The following RASGRP2 variants were observed in gnomAD, a reference collection of about 807,000 sequenced individuals.
RASGRP2 encodes RAS guanyl releasing protein 2.
In RASGRP2, 44 loss-of-function variants were observed where a neutral mutation model predicts 71.0. The ratio of observed to expected loss-of-function variants is 0.62; its 90% CI spans 0.49 to 0.80. The LOEUF (loss-of-function observed/expected upper bound fraction) is 0.80. RASGRP2 is among the 30% of genes least tolerant of loss of function. The pLI, the probability that RASGRP2 is intolerant of heterozygous loss-of-function variation, is 0.00. For missense variants in RASGRP2, 663 were observed against 813.4 expected (o/e 0.82, Z 2.25); for synonymous variants, 350 against 330.7 (o/e 1.06, Z -0.63).
intron 12 of RASGRP2, among the ~76,000 whole-genome samples, chr11:64,732,579 G>A (rs2057796370): frequency 6.6e-6 from 1 of 151,786 alleles, no homozygotes; most frequent in South Asian, 2.1e-4. Flanking sequence ...GGATCACGAG[G>A]TCTGGAGGTC....
chr11:64,741,917 T>A, intron 3 of RASGRP2, 93 bp downstream of exon 3: 1 of 1,095,234 alleles, frequency 9.1e-7, no homozygotes, highest in Non-Finnish European at 1.4e-6. Context: ...TGGCCTATAC[T>A]TAGGAGCGAG....
Position 64,736,941 on chromosome 11 carries a change from T to C in RASGRP2, c.907A>G (p.Ile303Val). ...LAACVGFRFP[I>V]LGVHLKDLVA... Reference sequence around the variant, plus strand: ...AGGTCCTTGAGGTGCACACCCAGGATCGGGAAGCGGAAGCCCACACAGGCT... The same window carrying C: ...AGGTCCTTGAGGTGCACACCCAGGACCGGGAAGCGGAAGCCCACACAGGCT... Residue 303 changes from isoleucine to valine, a missense_variant, in exon 9 of 17, where the codon ATC becomes GTC. Physicochemically the swap from Ile to Val is conservative, Grantham distance 29. Coordinates refer to ENST00000394432, the MANE Select transcript of RASGRP2 (RefSeq NM_001098671.2). 1.2e-6 allele frequency: 2 copies of C among 1,613,892 alleles called. No individual in the cohort carries two copies. Among genetic ancestry groups the C allele is most frequent in the Non-Finnish European group, 1.7e-6 (2 of 1,180,024 alleles).
intron 12 of RASGRP2, among the ~76,000 whole-genome samples, chr11:64,732,089 T>G (rs1354112117): frequency 6.6e-6 from 1 of 152,154 alleles, no homozygotes. Flanking sequence ...AGTGGAATAC[T>G]CTGCAGCTGT....
chr11:64,737,168 C>T (rs563988839), intron 8 of RASGRP2, 134 bp from the exon 9 acceptor site: 2 of 1,047,982 alleles, frequency 1.9e-6, no homozygotes, highest in Admixed American at 4.1e-5. Flanking sequence ...TACTGTCCCC[C>T]ACGACTGGCT....
Position 64,743,218 on chromosome 11 carries a change from C to G in RASGRP2, c.-71-281G>C. On this transcript the variant is annotated intron_variant, in intron 1 of 16. Transcript: ENST00000394432. The surrounding 1 kb of genome is among the most constrained non-coding windows in gnomAD (Gnocchi z 4.9). ...CAAGATCCCAGGACTGGCTGGCGCC[C>G]AGCCCCCCGCAGGGCGCCTTCTCCT... The G allele has an allele frequency of 1.9e-6, 1 of 521,324 alleles. No individual in the cohort carries two copies. Among genetic ancestry groups the G allele is most frequent in the Non-Finnish European group, 3.7e-6 (1 of 269,834 alleles). The allele number at this position is 521,324 out of a possible 1,614,324, so 32.3% of individuals were successfully genotyped here.
intron 8 of RASGRP2, 124 bp from the exon 9 acceptor site, chr11:64,737,158 T>G (rs2057969023): frequency 1.7e-6 from 2 of 1,170,940 alleles, no homozygotes; most frequent in Non-Finnish European, 2.5e-6. Flanking sequence ...AAACCTCCCT[T>G]ACTGTCCCCC....
At chr11:64,729,301 G>C (rs1216008617) in intron 14 of RASGRP2, among the ~76,000 whole-genome samples, 3 of 151,120 alleles carry the variant, frequency 2.0e-5, no homozygotes, top group African/African-American at 7.3e-5. Flanking sequence ...GTCATCTTGA[G>C]CCTCTGATTT....
At position 64,742,186 on chromosome 11, in the gene RASGRP2, C is replaced by T. The variant is rs1238341731; in HGVS notation, c.74-74G>A. 8.4e-7 allele frequency: 1 copy of T among 1,195,762 alleles called. No individual in the cohort carries two copies. The highest frequency in any genetic ancestry group is 1.2e-6 in the Non-Finnish European group (1 of 823,374). The allele number at this position is 1,195,762 out of a possible 1,614,324, so 74.1% of individuals were successfully genotyped here. A position where few individuals can be genotyped will look rare whatever the true frequency, so the allele number is the denominator to read the frequency against. ...CCATGCCTCATCCTCACCCCGCAAC[C>T]CGCCAGGTATCGGTCCTTCGGGTGC... is the stretch of plus-strand genomic sequence containing the variant. On this transcript the variant is annotated intron_variant, in intron 2 of 16. Transcript: ENST00000394432. The surrounding 1 kb of genome is among the most constrained non-coding windows in gnomAD (Gnocchi z 4.7).
chr11:64,739,230 A>G lies in RASGRP2; in HGVS notation c.813+130T>C, dbSNP rs1381474914. The G allele has an allele frequency of 5.3e-6, 4 of 761,840 alleles. No homozygotes were observed. Among genetic ancestry groups the G allele is most frequent in the Non-Finnish European group, 9.2e-6 (4 of 433,540 alleles). The allele number at this position is 761,840 out of a possible 1,614,324, so 47.2% of individuals were successfully genotyped here. A position where few individuals can be genotyped will look rare whatever the true frequency, so the allele number is the denominator to read the frequency against. On this transcript the variant is annotated intron_variant, in intron 8 of 16. Coordinates refer to ENST00000394432, the MANE Select transcript of RASGRP2 (RefSeq NM_001098671.2). The surrounding 1 kb of genome is among the most constrained non-coding windows in gnomAD (Gnocchi z 4.2). ...TGCCATTGTGCAAACTGAGAAAAGC[A>G]CTTAACCCCTCTGAGCCTCCATTTC...
In RASGRP2 at chr11:64,742,532, G is replaced by A; in HGVS notation, c.73+262C>T. 1 of 592,088 alleles carries A rather than the reference G, an allele frequency of 1.7e-6. No individual in the cohort carries two copies. Among genetic ancestry groups the A allele is most frequent in the Non-Finnish European group, 3.0e-6 (1 of 331,950 alleles). 36.7% of individuals were successfully genotyped at this position (592,088 alleles called of 1,614,324 possible). A position where few individuals can be genotyped will look rare whatever the true frequency, so the allele number is the denominator to read the frequency against. On this transcript the variant is annotated intron_variant, in intron 2 of 16. Coordinates refer to ENST00000394432, the MANE Select transcript of RASGRP2 (RefSeq NM_001098671.2). The surrounding 1 kb of genome is among the most constrained non-coding windows in gnomAD (Gnocchi z 4.7). ...CCGGATTCCCCGGGAGACAGATAAT[G>A]CCCCTCAAGTGTCAGAGTCCGGGAC...
chr11:64,741,987 T>C (rs2058140063), intron 3 of RASGRP2, 23 bp downstream of exon 3: 1 of 1,594,508 alleles, frequency 6.3e-7, no homozygotes, highest in African/African-American at 1.3e-5. Flanking sequence ...GGCGGGGGCC[T>C]TGGCAAGGCC....
chr11:64,730,124 T>C lies in RASGRP2; in HGVS notation c.1483A>G (p.Met495Val). The change falls in exon 13 of 17, where the codon ATG (methionine) becomes GTG (valine). Residue 495 changes from methionine (M) to valine (V), a missense_variant. By Grantham distance (21) the Met-to-Val change is conservative. Coordinates refer to ENST00000394432, the MANE Select transcript of RASGRP2 (RefSeq NM_001098671.2). Reference sequence around the variant, plus strand: ...TCCTGGAAGTTGTGTACGAAGCCCATGCGCCCCCCCAACACAGAGCTGGAG... The same window carrying C: ...TCCTGGAAGTTGTGTACGAAGCCCACGCGCCCCCCCAACACAGAGCTGGAG... ...LRSSSVLGGR[M>V]GFVHNFQESN... The C allele has an allele frequency of 1.3e-6, 2 of 1,551,162 alleles. No individual in the cohort carries two copies. The highest frequency in any genetic ancestry group is 1.7e-6 in the Non-Finnish European group (2 of 1,147,020).
intron 12 of RASGRP2, among the ~76,000 whole-genome samples, chr11:64,733,873 G>T: frequency 6.9e-6 from 1 of 145,038 alleles, no homozygotes; most frequent in Non-Finnish European, 1.5e-5. Context: ...TTTTTGATGG[G>T]GGTGATCTCG....
rs61759870 is a variant in RASGRP2, at chr11:64,735,925, C to T, written c.1151G>A (p.Arg384Gln). 1.1e-5 allele frequency: 18 copies of T among 1,613,834 alleles called. No homozygotes were observed. The highest frequency in any genetic ancestry group is 3.3e-5 in the Admixed American group (2 of 59,990). ...EDELYQLSLQ[R>Q]EPRSKSSPTS... ...CACCGAGGACTTGGAGCGCGGCTCCCGCTGCAGGGACAGCTGGTACAGCTC... is the reference window on the plus strand; with the variant it reads ...CACCGAGGACTTGGAGCGCGGCTCCTGCTGCAGGGACAGCTGGTACAGCTC... The change falls in exon 10 of 17, where the codon CGG becomes CAG. Residue 384 changes from arginine to glutamine, a missense_variant. By Grantham distance (43) the Arg-to-Gln change is conservative. Coordinates refer to ENST00000394432, the MANE Select transcript of RASGRP2 (RefSeq NM_001098671.2). The surrounding 1 kb of genome is among the most constrained non-coding windows in gnomAD (Gnocchi z 4.2).
chr11:64,736,681 C>T, intron 9 of RASGRP2, 72 bp downstream of exon 9: 1 of 1,505,736 alleles, frequency 6.6e-7, no homozygotes, highest in Non-Finnish European at 9.0e-7. Context: ...AGGCCACGCC[C>T]ACAGCCAGGA....
chr11:64,744,267 C>G, upstream of RASGRP2: 1 of 985,674 alleles, frequency 1.0e-6, no homozygotes, highest in Non-Finnish European at 1.2e-6. Flanking sequence ...CCCTGACTCC[C>G]CTCACTCCCA....
At chr11:64,728,765 G>T in intron 15 of RASGRP2, 98 bp downstream of exon 15, 1 of 1,271,030 alleles carries the variant, frequency 7.9e-7, no homozygotes, top group Non-Finnish European at 1.1e-6. Context: ...CACAAAAAGA[G>T]AATTATGCAC....
Position 64,740,175 on chromosome 11 carries a change from G to A in RASGRP2, c.372-12C>T, listed in dbSNP as rs1177108512. ...ACTTGTAGGTAGGGCTGGGGGGGCA[G>A]GGGTAGTGAGCCCTTTGCTGGACAT... On this transcript the variant is annotated splice_polypyrimidine_tract_variant and intron_variant, in intron 5 of 16. Transcript: ENST00000394432. The A allele has an allele frequency of 1.2e-6, 2 of 1,613,972 alleles. No individual in the cohort carries two copies. The highest frequency in any genetic ancestry group is 1.1e-5 in the South Asian group (1 of 91,062).
chr11:64,732,540 TC>T (rs1435833948), intron 12 of RASGRP2, among the ~76,000 whole-genome samples: 7 of 152,344 alleles, frequency 4.6e-5, no homozygotes, highest in African/African-American at 1.7e-4. Flanking sequence ...ACGCCTGTAA[TC>T]CCAGCACTTT....
Sources: gnomAD v4.1 joint callset for allele counts (sites outside exome capture counted in the v4.1 genomes callset) on GRCh38, gnomAD v4.1.1 for gene constraint, Gnocchi (gnomAD v3.1) non-coding constraint, MANE v1.5 for transcripts, NCBI Gene and HGNC (gene_info 2026-07-23, HGNC 2026-07-21) for gene names.